Variants in ITFG1 observed in about 807,000 individuals in gnomAD.
ITFG1 encodes the protein integrin alpha FG-GAP repeat containing 1.
A neutral mutation model predicts 81.8 loss-of-function variants in ITFG1; 34 were observed. The ratio of observed to expected loss-of-function variants is 0.42; its 90% CI spans 0.32 to 0.55. ITFG1 has a LOEUF of 0.55. ITFG1 is among the 20% of genes least tolerant of loss of function. The probability of loss-of-function intolerance (pLI) is 0.17; values close to 1 mark genes in which losing one functional copy is unlikely to be tolerated. For synonymous variants in ITFG1, 285 were observed against 270.6 expected, an observed-to-expected ratio of 1.05 and a Z score of -0.52; for missense variants, 672 against 755.4, an observed-to-expected ratio of 0.89 and a Z score of 1.29.
chr16:47,399,573 A>C (rs1290244161), intron 6 of ITFG1, among the ~76,000 whole-genome samples: 5 of 119,474 alleles, frequency 4.2e-5, no homozygotes, highest in Non-Finnish European at 9.3e-5. Context: ...ACTCCGTCTC[A>C]AAAAAAAAAA....
At chr16:47,438,252 C>T (rs552571431) in intron 5 of ITFG1, among the ~76,000 whole-genome samples, 29 of 152,336 alleles carry the variant, frequency 1.9e-4, no homozygotes, top group Middle Eastern at 3.4e-3. Flanking sequence ...TAGGCTCCAC[C>T]GCTGGGGGCA....
chr16:47,244,313 C>CA (rs1161486232), intron 12 of ITFG1, among the ~76,000 whole-genome samples: 1 of 152,158 alleles, frequency 6.6e-6, no homozygotes, highest in African/African-American at 2.4e-5. Flanking sequence ...GTCAGAAGTA[C>CA]AGGTCCTGAC....
chr16:47,422,870 C>T (rs771302595), intron 6 of ITFG1, among the ~76,000 whole-genome samples: 10 of 151,868 alleles, frequency 6.6e-5, no homozygotes, highest in African/African-American at 9.7e-5. Context: ...AGAATAAGTG[C>T]GATGTGGGGC....
At chr16:47,210,748 T>C (rs111427450) in intron 14 of ITFG1, among the ~76,000 whole-genome samples, 1 of 152,180 alleles carries the variant, frequency 6.6e-6, no homozygotes, top group Non-Finnish European at 1.5e-5. Flanking sequence ...TTGTCAAAAA[T>C]GAGGTAGGCA....
chr16:47,366,847 T>C (rs1968183986), intron 7 of ITFG1, among the ~76,000 whole-genome samples: 1 of 152,226 alleles, frequency 6.6e-6, no homozygotes, highest in South Asian at 2.1e-4. Flanking sequence ...TTCTCCCTTA[T>C]GCTCTCTCAC....
intron 10 of ITFG1, among the ~76,000 whole-genome samples, chr16:47,274,088 C>G (rs146668671): frequency 0.019 from 2,940 of 152,196 alleles, 35 homozygotes; most frequent in Non-Finnish European, 0.033. Flanking sequence ...GAAACCCCAT[C>G]TCTACTAAAA....
chr16:47,249,664 T>C (rs1051170601), intron 12 of ITFG1, among the ~76,000 whole-genome samples: 2 of 152,222 alleles, frequency 1.3e-5, no homozygotes, highest in Non-Finnish European at 2.9e-5. Flanking sequence ...GTTTAAAACA[T>C]GGACAATGGG....
intron 10 of ITFG1, among the ~76,000 whole-genome samples, chr16:47,310,635 G>A (rs1967243212): frequency 1.3e-5 from 2 of 152,126 alleles, no homozygotes; most frequent in Admixed American, 1.3e-4. Flanking sequence ...TATACAAAAA[G>A]TATCAACAGT....
chr16:47,326,192 A>C (rs1196052505), intron 8 of ITFG1, among the ~76,000 whole-genome samples: 2 of 152,094 alleles, frequency 1.3e-5, no homozygotes, highest in African/African-American at 2.4e-5. Flanking sequence ...TACACCTAAT[A>C]CAGCATATAA....
intron 5 of ITFG1, among the ~76,000 whole-genome samples, chr16:47,446,064 A>G (rs1342107989): frequency 3.9e-5 from 6 of 152,190 alleles, no homozygotes; most frequent in African/African-American, 1.4e-4. Context: ...GAAAGAAAAA[A>G]AAAAGAGGCA....
At chr16:47,162,454 A>G in intron 15 of ITFG1, 86 bp downstream of exon 15, 1 of 1,154,560 alleles carries the variant, frequency 8.7e-7, no homozygotes, top group Non-Finnish European at 1.2e-6. Context: ...TTCAAATTCA[A>G]TTAGGTTCAA....
At chr16:47,221,636 T>C (rs1965692497) in intron 13 of ITFG1, among the ~76,000 whole-genome samples, 1 of 152,234 alleles carries the variant, frequency 6.6e-6, no homozygotes, top group Admixed American at 6.5e-5. Context: ...TTCTATTGAC[T>C]AGAATACTTT....
chr16:47,328,643 C>G (rs1222916822), intron 8 of ITFG1, among the ~76,000 whole-genome samples: 5 of 151,948 alleles, frequency 3.3e-5, no homozygotes, highest in Non-Finnish European at 7.4e-5. Context: ...TATTTTCTAC[C>G]AAGCAGAGTG....
chr16:47,190,571 A>C (rs931465497), intron 14 of ITFG1, among the ~76,000 whole-genome samples: 2 of 152,138 alleles, frequency 1.3e-5, no homozygotes, highest in African/African-American at 4.8e-5. Flanking sequence ...TTAAACTCTT[A>C]AATTGTCACC....
At position 47,348,042 on chromosome 16, in the gene ITFG1, A is replaced by C. The variant is rs575924262; in HGVS notation, c.802+17746T>G. ...AAACTAACAAACAGAAAGGACATCC[A>C]CACCAAAACCCCATCCGTACGTCAC... On this transcript the variant is annotated intron_variant, in intron 8 of 17. Coordinates refer to ENST00000320640, the MANE Select transcript of ITFG1 (RefSeq NM_030790.5). 9.2e-5 allele frequency among the ~76,000 whole-genome samples: 14 copies of C among 152,340 alleles called. No homozygotes were observed. In the East Asian group the frequency reaches 2.7e-3, roughly 29 times the overall value.
intron 5 of ITFG1, among the ~76,000 whole-genome samples, chr16:47,443,678 C>G (rs1208813525): frequency 6.6e-6 from 1 of 152,050 alleles, no homozygotes; most frequent in African/African-American, 2.4e-5. Flanking sequence ...CGTTCTCACT[C>G]ATAAGTGAGA....
chr16:47,257,223 A>G (rs1164164547), intron 12 of ITFG1, among the ~76,000 whole-genome samples: 1 of 152,240 alleles, frequency 6.6e-6, no homozygotes, highest in East Asian at 1.9e-4. Context: ...GAAGTTGTCT[A>G]TGTAGAAAAT....
intron 13 of ITFG1, among the ~76,000 whole-genome samples, chr16:47,221,404 T>C (rs950717824): frequency 1.3e-5 from 2 of 152,232 alleles, no homozygotes; most frequent in African/African-American, 2.4e-5. Context: ...TTGCATATAT[T>C]GAACCAGCCT....
intron 7 of ITFG1, among the ~76,000 whole-genome samples, chr16:47,374,688 T>C (rs1306674561): frequency 1.3e-5 from 2 of 152,118 alleles, no homozygotes; most frequent in African/African-American, 2.4e-5. Context: ...AAAACAAATA[T>C]AACTGCATTT....
Sources: allele counts gnomAD v4.1 joint callset (sites outside exome capture counted in the v4.1 genomes callset), GRCh38; gene constraint gnomAD v4.1.1; transcripts MANE v1.5; gene names NCBI Gene and HGNC (gene_info 2026-07-23, HGNC 2026-07-21).